ZC4H2: variants seen among roughly 807,000 people sequenced by gnomAD.
ZC4H2 encodes zinc finger C4H2-type containing.
For missense variants in ZC4H2, 137 were observed against 173.9 expected, an observed-to-expected ratio of 0.79 and a Z score of 1.19; for synonymous variants, 84 against 66.3, an observed-to-expected ratio of 1.27 and a Z score of -1.30.
At chrX:64,996,068 A>G (rs2147276279) in intron 1 of ZC4H2, among the ~76,000 whole-genome samples, 1 of 111,885 alleles carries the variant, frequency 8.9e-6, no homozygotes, top group South Asian at 3.7e-4. Context: ...AAAAAACCTG[A>G]TAAGAGCACA....
intron 1 of ZC4H2, among the ~76,000 whole-genome samples, chrX:65,028,917 T>C: frequency 9.0e-6 from 1 of 111,400 alleles, no homozygotes; most frequent in Non-Finnish European, 1.9e-5. Flanking sequence ...AGGTTGAATT[T>C]GAACTGCTTG....
At chrX:64,958,804 G>A (rs1417419981) in intron 1 of ZC4H2, among the ~76,000 whole-genome samples, 2 of 111,497 alleles carry the variant, frequency 1.8e-5, no homozygotes, top group Non-Finnish European at 3.8e-5. Context: ...ATCTGTGTTT[G>A]CATTCAGAAA....
rs746959698 is a variant in ZC4H2 at position 64,965,449 on chromosome X, G to A, written c.53+10876C>T. 4.1e-4 allele frequency: 131 copies of A among 320,056 alleles called. 1 individual carries two copies. The highest frequency in any genetic ancestry group is 1.0e-4 in the East Asian group (1 of 9,794). 26.4% of individuals were successfully genotyped at this position (320,056 alleles called of 1,213,427 possible). ...AAATGCAAAAGAAAATCCTTAACCC[G>A]TACCTTGCAACATACAAAAAAATTA... On this transcript the variant is annotated intron_variant, in intron 1 of 4. Transcript: ENST00000374839.
chrX:64,965,327 T>A (rs779957114), intron 1 of ZC4H2: 2 of 195,593 alleles, frequency 1.0e-5, no homozygotes, highest in Admixed American at 1.5e-4. Flanking sequence ...GGCATAAAGA[T>A]ACACAAATAA....
intron 2 of ZC4H2, among the ~76,000 whole-genome samples, chrX:64,920,785 GA>G (rs1480285897): frequency 1.8e-5 from 2 of 112,381 alleles, no homozygotes; most frequent in African/African-American, 6.5e-5. Context: ...CATCACCTGG[GA>G]ACTCAGAAAT....
rs1301783259 is a variant in ZC4H2 at position 64,976,414 on chromosome X, C to T, written c.-37G>A. The T allele has an allele frequency of 8.5e-7, 1 of 1,182,395 alleles. No homozygotes were observed. Among genetic ancestry groups the T allele is most frequent in the Non-Finnish European group, 1.2e-6 (1 of 868,848 alleles). ...TCAATTTCACGTCCCGAGAGATGTA[C>T]AAATACACCAGCCAAGGGATACAAT... On this transcript the variant is annotated 5_prime_UTR_variant, in exon 1 of 5. Coordinates refer to ENST00000374839, the MANE Select transcript of ZC4H2 (RefSeq NM_018684.4).
chrX:64,969,633 G>A (rs1931709200), intron 1 of ZC4H2, among the ~76,000 whole-genome samples: 1 of 111,788 alleles, frequency 8.9e-6, no homozygotes, highest in Admixed American at 9.5e-5. Flanking sequence ...CTGGGAACTT[G>A]TTAGAAATGT....
Position 64,923,410 on chromosome X carries a change from C to T in ZC4H2, c.54-1422G>A, listed in dbSNP as rs185243636. Among the ~76,000 whole-genome samples, 166 of 110,713 alleles carry T rather than the reference C, an allele frequency of 1.5e-3. 2 individuals carry two copies. The East Asian group carries it at 0.023, about 15-fold the overall frequency. On this transcript the variant is annotated intron_variant, in intron 1 of 4. Coordinates refer to ENST00000374839, the MANE Select transcript of ZC4H2 (RefSeq NM_018684.4). The stretch of plus-strand genomic sequence containing the variant: ...GATCTGCCTAGCCATTATCCCCTTA[C>T]TCAGATTTGTAGTCTCCTTTCTTCT...
intron 1 of ZC4H2, among the ~76,000 whole-genome samples, chrX:65,022,241 A>G (rs187597253): frequency 8.9e-6 from 1 of 112,009 alleles, no homozygotes; most frequent in African/African-American, 3.2e-5. Flanking sequence ...ATTTCAGGCC[A>G]ATATCCCTGA....
intron 1 of ZC4H2, among the ~76,000 whole-genome samples, chrX:64,951,203 T>C (rs1930808179): frequency 8.9e-6 from 1 of 112,655 alleles, no homozygotes; most frequent in African/African-American, 3.2e-5. Flanking sequence ...ATCCAGTCTG[T>C]CATTGTTGGA....
At chrX:64,997,510 G>C (rs995195101) in intron 1 of ZC4H2, among the ~76,000 whole-genome samples, 3 of 112,552 alleles carry the variant, frequency 2.7e-5, no homozygotes, top group Non-Finnish European at 5.6e-5. Flanking sequence ...TGATTTAAGA[G>C]ACAAACTCGT....
chrX:65,026,820 G>A (rs1438206470), intron 1 of ZC4H2, among the ~76,000 whole-genome samples: 3 of 112,164 alleles, frequency 2.7e-5, no homozygotes, highest in Non-Finnish European at 5.6e-5. Flanking sequence ...GAACTCAGCT[G>A]CTATCTGGAC....
rs190421397 is a variant in ZC4H2, at chrX:64,930,083, A to C, written c.54-8095T>G. On this transcript the variant is annotated intron_variant, in intron 1 of 4. Coordinates refer to ENST00000374839, the MANE Select transcript of ZC4H2 (RefSeq NM_018684.4). ...GTAGTTTTCCTTGCAGATATCTTTCACCTCCTTGGTTATTTCTAAATATCT... is the reference window on the plus strand; with the variant it reads ...GTAGTTTTCCTTGCAGATATCTTTCCCCTCCTTGGTTATTTCTAAATATCT... Among the ~76,000 whole-genome samples the C allele has an allele frequency of 5.5e-5, 6 of 109,831 alleles. No individual in the cohort carries two copies. The Admixed American group carries it at 5.8e-4, about 11-fold the overall frequency.
At chrX:64,987,469 T>G (rs1438031799) in intron 1 of ZC4H2, among the ~76,000 whole-genome samples, 1 of 108,119 alleles carries the variant, frequency 9.2e-6, no homozygotes, top group Non-Finnish European at 1.9e-5. Context: ...GCTGGGTTTT[T>G]TTTTTTTTTT....
intron 1 of ZC4H2, among the ~76,000 whole-genome samples, chrX:64,988,184 G>T (rs751682301): frequency 1.8e-5 from 2 of 109,995 alleles, no homozygotes; most frequent in Non-Finnish European, 3.8e-5. Context: ...GAATAGTGCC[G>T]CAATAAACAT....
rs938564030 is a variant in ZC4H2 at position 64,917,730 on chromosome X, C to T, written c.*53G>A. 1 of 1,182,868 alleles carries T rather than the reference C, an allele frequency of 8.5e-7. No individual in the cohort carries two copies. The highest frequency in any genetic ancestry group is 1.8e-5 in the African/African-American group (1 of 57,040). On this transcript the variant is annotated 3_prime_UTR_variant, in exon 5 of 5. Transcript: ENST00000374839. ...GTTTCACATCAGGACATCAATGACT[C>T]TGGTCAAGGTGAGGGGTTATAATTA...
At chrX:64,978,761 A>G (rs1932024771), upstream of ZC4H2, among the ~76,000 whole-genome samples, 1 of 111,342 alleles carries the variant, frequency 9.0e-6, no homozygotes, top group South Asian at 3.8e-4. Context: ...TATATATAGC[A>G]ACCAAAACTA....
At chrX:64,928,364 A>G (rs2079373720) in intron 1 of ZC4H2, among the ~76,000 whole-genome samples, 1 of 111,938 alleles carries the variant, frequency 8.9e-6, no homozygotes, top group African/African-American at 3.2e-5. Flanking sequence ...TCCCAACACC[A>G]TTTATTAAAT....
chrX:64,993,015 G>A (rs888159801), intron 1 of ZC4H2, among the ~76,000 whole-genome samples: 1 of 111,405 alleles, frequency 9.0e-6, no homozygotes, highest in Admixed American at 9.5e-5. Context: ...CCCCTTAACT[G>A]TGCTCTCATT....
Sources: gnomAD v4.1 joint callset for allele counts (sites outside exome capture counted in the v4.1 genomes callset) on GRCh38, gnomAD v4.1.1 for gene constraint, MANE v1.5 for transcripts, NCBI Gene and HGNC (gene_info 2026-07-23, HGNC 2026-07-21) for gene names.